Variants in IGSF11 observed in about 807,000 individuals in gnomAD.
IGSF11 encodes the protein immunoglobulin superfamily member 11, also known as CXADR like 1.
Under a neutral mutation model 41.0 loss-of-function variants are expected in IGSF11, and 22 were observed. The observed-to-expected ratio is 0.54, with a 90% CI of 0.38 to 0.77. The LOEUF is 0.77. Among genes scored for constraint, IGSF11 ranks in the 30% least tolerant of loss-of-function variants. IGSF11 has a pLI of 0.00. For missense variants in IGSF11, 444 were observed against 530.8 expected, an observed-to-expected ratio of 0.84 and a Z score of 1.61; for synonymous variants, 219 against 201.3, an observed-to-expected ratio of 1.09 and a Z score of -0.74.
intron 1 of IGSF11, among the ~76,000 whole-genome samples, chr3:119,015,447 G>T (rs560470846): frequency 2.0e-5 from 3 of 152,282 alleles, no homozygotes; most frequent in South Asian, 4.1e-4. Context: ...GAACTAAACT[G>T]AAAGGTTATA....
rs979953479 is a variant in IGSF11 at position 118,979,960 on chromosome 3, A to G, written c.53-49685T>C. The stretch of plus-strand genomic sequence containing the variant: ...GAAATACAAATCAAAACCACAATGA[A>G]GTATCATCTTACTCCAGTTGGAATG... On this transcript the variant is annotated intron_variant, in intron 1 of 6. Coordinates refer to ENST00000393775, the MANE Select transcript of IGSF11 (RefSeq NM_001015887.3). 3.3e-5 allele frequency among the ~76,000 whole-genome samples: 5 copies of G among 152,340 alleles called. 1 individual carries two copies. Among genetic ancestry groups the G allele is most frequent in the East Asian group, 1.9e-4 (1 of 5,192 alleles).
intron 1 of IGSF11, among the ~76,000 whole-genome samples, chr3:119,136,854 A>T (rs1449186126): frequency 1.3e-5 from 2 of 152,158 alleles, no homozygotes; most frequent in Non-Finnish European, 2.9e-5. Context: ...AAAAAAAACT[A>T]TTAGAACTGA....
At chr3:118,932,207 G>A (rs1374336906) in intron 1 of IGSF11, among the ~76,000 whole-genome samples, 2 of 152,128 alleles carry the variant, frequency 1.3e-5, no homozygotes, top group Non-Finnish European at 2.9e-5. Flanking sequence ...GAAACAGTAT[G>A]GAAATAACAG....
In IGSF11 at chr3:119,115,617, G is replaced by A. The variant is rs150085577; in HGVS notation, c.-13-10412C>T. Among the ~76,000 whole-genome samples, 98 of 152,244 alleles carry A rather than the reference G, an allele frequency of 6.4e-4. 1 individual carries two copies. The highest frequency in any genetic ancestry group is 2.2e-3 in the African/African-American group (92 of 41,552). On this transcript the variant is annotated intron_variant, in intron 1 of 7. Coordinates refer to the IGSF11 transcript ENST00000425327. ...GCATTATCAGATTTTTTCCTATAGA[G>A]TTGTTTGGGTCCCTTATATAATCTG...
At chr3:118,914,142 C>T (rs910468565) in intron 4 of IGSF11, among the ~76,000 whole-genome samples, 1 of 151,746 alleles carries the variant, frequency 6.6e-6, no homozygotes, top group Non-Finnish European at 1.5e-5. Context: ...ACTTATAACT[C>T]TGAAAGTAGA....
chr3:118,933,257 A>G (rs930938138), intron 1 of IGSF11, among the ~76,000 whole-genome samples: 1 of 151,134 alleles, frequency 6.6e-6, no homozygotes, highest in Non-Finnish European at 1.5e-5. Context: ...ATTTAGCTGC[A>G]TGTCCCCAAA....
At chr3:118,910,160 T>C (rs1189202609) in intron 4 of IGSF11, among the ~76,000 whole-genome samples, 2 of 152,218 alleles carry the variant, frequency 1.3e-5, no homozygotes, top group Non-Finnish European at 2.9e-5. Flanking sequence ...TATCTCTATG[T>C]TGACTGTTGC....
intron 1 of IGSF11, among the ~76,000 whole-genome samples, chr3:119,117,342 G>A (rs1433581364): frequency 1.3e-5 from 2 of 152,138 alleles, no homozygotes; most frequent in East Asian, 1.9e-4. Flanking sequence ...CCACTGGCTG[G>A]GGATGCCTCA....
At chr3:118,929,744 C>T (rs1244550159) in intron 2 of IGSF11, among the ~76,000 whole-genome samples, 1 of 152,106 alleles carries the variant, frequency 6.6e-6, no homozygotes, top group Non-Finnish European at 1.5e-5. Context: ...TAAAAAAAAT[C>T]AAGTACTACA....
At chr3:118,938,611 A>G (rs76704813) in intron 1 of IGSF11, among the ~76,000 whole-genome samples, 3,668 of 152,306 alleles carry the variant, frequency 0.024, 79 homozygotes, top group East Asian at 0.066. Flanking sequence ...ACTTCAGAGA[A>G]AGGAGAAAGA....
At chr3:118,948,877 C>T (rs1461539058) in intron 1 of IGSF11, among the ~76,000 whole-genome samples, 1 of 150,046 alleles carries the variant, frequency 6.7e-6, no homozygotes, top group East Asian at 2.0e-4. Context: ...GAGGCTCAGG[C>T]AGGAGAATGG....
At chr3:118,906,216 A>G (rs1939575067) in intron 4 of IGSF11, among the ~76,000 whole-genome samples, 1 of 152,228 alleles carries the variant, frequency 6.6e-6, no homozygotes, top group African/African-American at 2.4e-5. Context: ...TCCTCCAAGA[A>G]GCAGACACCA....
At chr3:119,142,120 A>G (rs1576845851) in intron 1 of IGSF11, among the ~76,000 whole-genome samples, 1 of 151,942 alleles carries the variant, frequency 6.6e-6, no homozygotes. Flanking sequence ...CTAAAAATAC[A>G]AAAAATTAGC....
chr3:119,089,048 C>A (rs781319750), intron 1 of IGSF11, among the ~76,000 whole-genome samples: 1 of 152,146 alleles, frequency 6.6e-6, no homozygotes, highest in Admixed American at 6.5e-5. Flanking sequence ...TCAAAAAAAT[C>A]GAGGAGTAGG....
chr3:119,062,917 C>T (rs1398379088), intron 1 of IGSF11, among the ~76,000 whole-genome samples: 3 of 151,036 alleles, frequency 2.0e-5, no homozygotes, highest in Non-Finnish European at 4.5e-5. Context: ...TCCACTTTAG[C>T]CTCCACTCCC....
intron 1 of IGSF11, among the ~76,000 whole-genome samples, chr3:119,086,887 CA>C (rs1486420839): frequency 6.6e-6 from 1 of 152,160 alleles, no homozygotes; most frequent in Non-Finnish European, 1.5e-5. Context: ...ATGACAGGAT[CA>C]AAACCACACA....
At chr3:119,073,183 G>C (rs191810784) in intron 1 of IGSF11, among the ~76,000 whole-genome samples, 40 of 152,290 alleles carry the variant, frequency 2.6e-4, no homozygotes, top group African/African-American at 9.6e-4. Context: ...GGTTCTCCAA[G>C]TCCCCACCAG....
At chr3:118,935,301 CAT>C (rs10575505) in intron 1 of IGSF11, among the ~76,000 whole-genome samples, 43,064 of 121,918 alleles carry the variant, frequency 0.35, 8,824 homozygotes, top group African/African-American at 0.59. Flanking sequence ...GGTGTATATA[CAT>C]ATATATATAT....
At chr3:119,070,431 C>G (rs888930895) in intron 1 of IGSF11, among the ~76,000 whole-genome samples, 5 of 152,106 alleles carry the variant, frequency 3.3e-5, no homozygotes, top group Admixed American at 3.3e-4. Context: ...GGGAGTTGAA[C>G]TGACTAAGCA....
Sources: allele counts gnomAD v4.1 joint callset (sites outside exome capture counted in the v4.1 genomes callset), GRCh38; gene constraint gnomAD v4.1.1; transcripts MANE v1.5; gene names NCBI Gene and HGNC (gene_info 2026-07-23, HGNC 2026-07-21).